YPEL2: variants seen among roughly 807,000 people sequenced by gnomAD.
YPEL2 encodes yippee like 2.
Under a neutral mutation model 19.1 loss-of-function variants are expected in YPEL2, and 2 were observed. The observed-to-expected ratio is 0.10, with a 90% CI of 0.04 to 0.33. YPEL2 has a LOEUF of 0.33. Ranked by LOEUF, YPEL2 falls within the 10% of genes least tolerant of loss-of-function variation. The probability of loss-of-function intolerance (pLI) is 1.00; values close to 1 mark genes in which losing one functional copy is unlikely to be tolerated. For synonymous variants in YPEL2, 52 were observed against 50.0 expected (o/e 1.04, Z -0.17); for missense variants, 66 against 140.7 (o/e 0.47, Z 2.68).
intron 2 of YPEL2, among the ~76,000 whole-genome samples, chr17:59,359,910 A>AT (rs1407613887): frequency 6.6e-6 from 1 of 151,898 alleles, no homozygotes; most frequent in African/African-American, 2.4e-5. Context: ...TTTTTTATTT[A>AT]TTTTTTTGAG....
At chr17:59,373,661 C>A (rs2047907461) in intron 2 of YPEL2, among the ~76,000 whole-genome samples, 1 of 152,186 alleles carries the variant, frequency 6.6e-6, no homozygotes, top group Non-Finnish European at 1.5e-5. Context: ...TCATGTGGCC[C>A]TATCACAACA....
At position 59,388,356 on chromosome 17, in the gene YPEL2, C is replaced by T. The variant is rs369760331; in HGVS notation, c.147C>T (p.Tyr49=). ...TCCAAGGAAGTCAAGGACGAGCATA[C>T]CTCTTTAACTCAGTGTGAGTGCCTC... ...KSFQGSQGRA[Y]LFNSVVNVGC... The change falls in exon 3 of 5, where the codon TAC becomes TAT. Residue 49 remains tyrosine (Y), a synonymous_variant. Coordinates refer to ENST00000312655, the MANE Select transcript of YPEL2 (RefSeq NM_001005404.4). 14 of 1,614,050 alleles carry T rather than the reference C, an allele frequency of 8.7e-6. No homozygotes were observed. Among genetic ancestry groups the T allele is most frequent in the African/African-American group, 8.0e-5 (6 of 74,898 alleles).
intron 2 of YPEL2, among the ~76,000 whole-genome samples, chr17:59,379,922 G>A (rs1254975012): frequency 7.1e-6 from 1 of 140,390 alleles, no homozygotes; most frequent in Non-Finnish European, 1.5e-5. Context: ...GTGCAGTGGT[G>A]TGACCTCGGC....
chr17:59,388,049 G>C (rs2047989725), intron 2 of YPEL2, among the ~76,000 whole-genome samples: 1 of 152,216 alleles, frequency 6.6e-6, no homozygotes, highest in East Asian at 1.9e-4. Context: ...TGTCAGGAGG[G>C]AAGAAGTTTT....
chr17:59,342,243 T>TA, intron 1 of YPEL2, among the ~76,000 whole-genome samples: 1 of 152,258 alleles, frequency 6.6e-6, no homozygotes, highest in East Asian at 1.9e-4. Context: ...ACCAGCAGTT[T>TA]AAAGAGAAAT....
chr17:59,361,223 G>A (rs752746477), intron 2 of YPEL2, among the ~76,000 whole-genome samples: 1 of 152,104 alleles, frequency 6.6e-6, no homozygotes, highest in Non-Finnish European at 1.5e-5. Flanking sequence ...CGGCAGTGGG[G>A]ACTGTGCCTA....
chr17:59,394,738 G>T (rs1343893199), intron 4 of YPEL2, among the ~76,000 whole-genome samples: 1 of 152,208 alleles, frequency 6.6e-6, no homozygotes, highest in Non-Finnish European at 1.5e-5. Flanking sequence ...CAAGGCAGGC[G>T]GCTGGGAGGT....
chr17:59,398,859 A>G lies in YPEL2; in HGVS notation c.*1669A>G, dbSNP rs1484520489. ...TGATGAACTGAGATGAAAGCAGCCAACAGCCCAGGAGCTTTTCAGAATAGC... is the reference window on the plus strand; with the variant it reads ...TGATGAACTGAGATGAAAGCAGCCAGCAGCCCAGGAGCTTTTCAGAATAGC... On this transcript the variant is annotated 3_prime_UTR_variant, in exon 5 of 5. Transcript: ENST00000312655. 2.6e-5 allele frequency: 4 copies of G among 152,222 alleles called. No individual in the cohort carries two copies. The East Asian group carries it at 5.8e-4, about 22-fold the overall frequency. 9.4% of individuals were successfully genotyped at this position (152,222 alleles called of 1,614,324 possible).
At position 59,400,690 on chromosome 17, in the gene YPEL2, T is replaced by G. The variant is rs1375898245; in HGVS notation, c.*3500T>G. On this transcript the variant is annotated 3_prime_UTR_variant, in exon 5 of 5. Coordinates refer to ENST00000312655, the MANE Select transcript of YPEL2 (RefSeq NM_001005404.4). ...TAGTAGTAACAACTTACAGTGATTCTTCCTGTTGGAAGAATTTCCAACAAA... is the reference window on the plus strand; with the variant it reads ...TAGTAGTAACAACTTACAGTGATTCGTCCTGTTGGAAGAATTTCCAACAAA... The G allele has an allele frequency of 6.6e-6, 1 of 152,664 alleles. No individual in the cohort carries two copies. The highest frequency in any genetic ancestry group is 1.5e-5 in the Non-Finnish European group (1 of 68,044). The allele number at this position is 152,664 out of a possible 1,614,324, so 9.5% of individuals were successfully genotyped here. A position where few individuals can be genotyped will look rare whatever the true frequency, so the allele number is the denominator to read the frequency against.
intron 1 of YPEL2, among the ~76,000 whole-genome samples, chr17:59,342,192 G>T (rs111323994): frequency 0.017 from 2,631 of 152,310 alleles, 95 homozygotes; most frequent in African/African-American, 0.06. Context: ...TTTAGGATGG[G>T]TGGTTTGTAG....
chr17:59,367,873 A>AGT (rs1447917337), intron 2 of YPEL2, among the ~76,000 whole-genome samples: 2 of 152,196 alleles, frequency 1.3e-5, no homozygotes, highest in Non-Finnish European at 2.9e-5. Flanking sequence ...ATGGGAAGAC[A>AGT]GTGTGGGGCC....
At chr17:59,348,957 T>G (rs1022081172) in intron 1 of YPEL2, among the ~76,000 whole-genome samples, 1 of 151,880 alleles carries the variant, frequency 6.6e-6, no homozygotes, top group Non-Finnish European at 1.5e-5. Flanking sequence ...GAGGCCGAGG[T>G]GGGCGGATCA....
At chr17:59,360,152 C>T (rs1598035998) in intron 2 of YPEL2, among the ~76,000 whole-genome samples, 1 of 152,248 alleles carries the variant, frequency 6.6e-6, no homozygotes, top group East Asian at 1.9e-4. Flanking sequence ...TCTTGGCTCA[C>T]TGCAAGCTCC....
intron 2 of YPEL2, 32 bp from the exon 3 acceptor site, chr17:59,388,295 T>C: frequency 6.2e-7 from 1 of 1,612,680 alleles, no homozygotes; most frequent in Non-Finnish European, 8.5e-7. Context: ...GAAATGGATG[T>C]CTAACTATCG....
chr17:59,380,600 A>T (rs138616142), intron 2 of YPEL2, among the ~76,000 whole-genome samples: 1 of 152,340 alleles, frequency 6.6e-6, no homozygotes, highest in African/African-American at 2.4e-5. Flanking sequence ...ATCAGGTGTG[A>T]GTGAGAGCTA....
intron 2 of YPEL2, among the ~76,000 whole-genome samples, chr17:59,372,829 C>T (rs1314768791): frequency 2.0e-5 from 3 of 152,326 alleles, no homozygotes; most frequent in South Asian, 2.1e-4. Context: ...GTGCTTATGA[C>T]AATGCCCCGA....
At chr17:59,377,420 A>G (rs1019708860) in intron 2 of YPEL2, among the ~76,000 whole-genome samples, 1 of 152,194 alleles carries the variant, frequency 6.6e-6, no homozygotes, top group Admixed American at 6.5e-5. Flanking sequence ...CACCACCGTC[A>G]GTGTCTAACT....
Position 59,380,388 on chromosome 17 carries a change from G to C in YPEL2, c.118-7939G>C, listed in dbSNP as rs578013255. 1.3e-3 allele frequency among the ~76,000 whole-genome samples: 191 copies of C among 146,310 alleles called. 1 individual carries two copies. Among genetic ancestry groups the C allele is most frequent in the Non-Finnish European group, 2.4e-3 (159 of 67,152 alleles). On this transcript the variant is annotated intron_variant, in intron 2 of 4. Coordinates refer to ENST00000312655, the MANE Select transcript of YPEL2 (RefSeq NM_001005404.4). ...AGGTTCAAGTGATTTTCCTGCCTCAGCCTCCCAAGTAGCTGGGATTACAGG... is the reference window on the plus strand; with the variant it reads ...AGGTTCAAGTGATTTTCCTGCCTCACCCTCCCAAGTAGCTGGGATTACAGG...
intron 1 of YPEL2, among the ~76,000 whole-genome samples, chr17:59,339,602 TC>T (rs1429028836): frequency 3.3e-5 from 5 of 152,318 alleles, no homozygotes; most frequent in Non-Finnish European, 7.3e-5. Flanking sequence ...ACTCTCCCAT[TC>T]TGCTTGAAGC....
Sources: allele counts gnomAD v4.1 joint callset (sites outside exome capture counted in the v4.1 genomes callset), GRCh38; gene constraint gnomAD v4.1.1; transcripts MANE v1.5; gene names NCBI Gene and HGNC (gene_info 2026-07-23, HGNC 2026-07-21).